The following PDE12 variants were observed in gnomAD, a reference collection of about 807,000 sequenced individuals.
PDE12 encodes the protein 2',5'-phosphodiesterase 12.
Under a neutral mutation model 45.4 loss-of-function variants are expected in PDE12, and 26 were observed. The observed-to-expected ratio is 0.57, with a 90% CI of 0.42 to 0.79. PDE12 has a LOEUF of 0.79. Among genes scored for constraint, PDE12 ranks in the 30% least tolerant of loss-of-function variants. PDE12 has a pLI of 0.00. For missense variants in PDE12, 668 were observed against 790.0 expected, an observed-to-expected ratio of 0.85 and a Z score of 1.85; for synonymous variants, 283 against 323.9, an observed-to-expected ratio of 0.87 and a Z score of 1.36.
the PDE12 span, among the ~76,000 whole-genome samples, chr3:57,605,408 G>C: frequency 1.3e-5 from 2 of 152,188 alleles, no homozygotes; most frequent in East Asian, 1.9e-4. Context: ...AGGGTTGGTT[G>C]GGAACAATGC....
the PDE12 span, among the ~76,000 whole-genome samples, chr3:57,586,829 C>G: frequency 6.6e-6 from 1 of 152,040 alleles, no homozygotes. Context: ...TTTAAATGGT[C>G]CAACAAAGCT....
chr3:57,593,672 T>C, the PDE12 span, among the ~76,000 whole-genome samples: 25 of 152,226 alleles, frequency 1.6e-4, no homozygotes, highest in Non-Finnish European at 2.8e-4. Context: ...TTTGGATATA[T>C]ACATAATTTA....
At chr3:57,579,761 T>A in the PDE12 span, among the ~76,000 whole-genome samples, 1 of 152,148 alleles carries the variant, frequency 6.6e-6, no homozygotes, top group Non-Finnish European at 1.5e-5. Flanking sequence ...TAAATTTTAT[T>A]TTACACTGCA....
At chr3:57,646,329 A>G in the PDE12 span, 6 of 1,613,160 alleles carry the variant, frequency 3.7e-6, no homozygotes, top group South Asian at 1.1e-5. Flanking sequence ...ACAAGTGCCA[A>G]TACAGTCTCT....
At chr3:57,570,219 GTTTTTT>G (rs34599005), downstream of PDE12, among the ~76,000 whole-genome samples, 2 of 102,330 alleles carry the variant, frequency 2.0e-5, no homozygotes, top group African/African-American at 3.9e-5. Flanking sequence ...TTAATCCAGT[GTTTTTT>G]TTTTTTTTTT....
At chr3:57,630,432 G>C in the PDE12 span, 2 of 1,584,134 alleles carry the variant, frequency 1.3e-6, no homozygotes, top group Non-Finnish European at 1.7e-6. Flanking sequence ...TCTTCACAAA[G>C]AGCTTCTAGA....
the PDE12 span, chr3:57,634,496 G>A: frequency 3.3e-5 from 31 of 927,362 alleles, no homozygotes; most frequent in Middle Eastern, 7.3e-4. Flanking sequence ...GACATATTGC[G>A]TAACTGGATA....
chr3:57,626,298 A>C, the PDE12 span: 2 of 152,616 alleles, frequency 1.3e-5, no homozygotes, highest in Admixed American at 6.5e-5. Context: ...GACAGAGAAC[A>C]AAAGATAGCT....
At chr3:57,652,290 A>G in the PDE12 span, among the ~76,000 whole-genome samples, 1 of 152,208 alleles carries the variant, frequency 6.6e-6, no homozygotes, top group Non-Finnish European at 1.5e-5. Flanking sequence ...TTGTGAGAAC[A>G]TTAGGCAGCC....
chr3:57,564,888 C>G lies in PDE12; in HGVS notation c.*4884C>G, dbSNP rs9818155. Reference sequence around the variant, plus strand: ...AAAAAAAATGGTTTCACCATGTTGCCCAGGCTGGTCTTGAAATTCTCAGTT... The same window carrying G: ...AAAAAAAATGGTTTCACCATGTTGCGCAGGCTGGTCTTGAAATTCTCAGTT... On this transcript the variant is annotated 3_prime_UTR_variant, in exon 3 of 3. Transcript: ENST00000311180. 0.25 allele frequency: 37,669 copies of G among 150,898 alleles called. 6,797 individuals are homozygous for G. The highest frequency in any genetic ancestry group is 0.5 in the African/African-American group (20,474 of 40,870). 9.3% of individuals were successfully genotyped at this position (150,898 alleles called of 1,614,324 possible).
chr3:57,588,010 A>G, the PDE12 span, among the ~76,000 whole-genome samples: 2 of 152,220 alleles, frequency 1.3e-5, no homozygotes, highest in Non-Finnish European at 2.9e-5. Context: ...ATATTGGTCC[A>G]ACAATTTTGA....
chr3:57,641,189 T>C, the PDE12 span, among the ~76,000 whole-genome samples: 1 of 144,904 alleles, frequency 6.9e-6, no homozygotes, highest in Admixed American at 7.1e-5. Context: ...AATATATATT[T>C]ATATATATTT....
the PDE12 span, chr3:57,597,422 G>C: frequency 3.4e-6 from 1 of 291,926 alleles, no homozygotes; most frequent in Non-Finnish European, 6.6e-6. Flanking sequence ...TCCAGCAGCG[G>C]CCCGGCCCCT....
chr3:57,591,775 A>C, the PDE12 span, among the ~76,000 whole-genome samples: 3 of 152,112 alleles, frequency 2.0e-5, no homozygotes, highest in African/African-American at 7.2e-5. Flanking sequence ...ATTATGAATG[A>C]ACTTTGACAA....
the PDE12 span, among the ~76,000 whole-genome samples, chr3:57,624,510 G>A: frequency 1.3e-5 from 2 of 151,566 alleles, no homozygotes; most frequent in Non-Finnish European, 2.9e-5. Flanking sequence ...GCTCATGCCT[G>A]TAATCCCAGG....
chr3:57,568,068 CAAAAAAA>C (rs11360766), downstream of PDE12, among the ~76,000 whole-genome samples: 1,210 of 47,594 alleles, frequency 0.025, 26 homozygotes, highest in African/African-American at 0.11. Context: ...GACTCCATCT[CAAAAAAA>C]AAAAAAAAAA....
chr3:57,559,495 A>T, intron 2 of PDE12, 67 bp from the exon 3 acceptor site: 1 of 1,555,258 alleles, frequency 6.4e-7, no homozygotes, highest in Non-Finnish European at 8.7e-7. Context: ...TAATTTGTGT[A>T]GTTTTTCTTT....
chr3:57,635,875 T>C, the PDE12 span, among the ~76,000 whole-genome samples: 1 of 152,150 alleles, frequency 6.6e-6, no homozygotes, highest in Non-Finnish European at 1.5e-5. Flanking sequence ...AGCAAGACCA[T>C]TCCCTCCTCT....
chr3:57,571,403 G>A (rs905931561), downstream of PDE12: 1 of 152,500 alleles, frequency 6.6e-6, no homozygotes. Context: ...TTCCAAATGG[G>A]TTATGAAGAA....
Sources: allele counts gnomAD v4.1 joint callset (sites outside exome capture counted in the v4.1 genomes callset), GRCh38; gene constraint gnomAD v4.1.1; transcripts MANE v1.5; gene names NCBI Gene and HGNC (gene_info 2026-07-23, HGNC 2026-07-21).